ITFG2: variants seen among roughly 807,000 people sequenced by gnomAD.
ITFG2 encodes the protein integrin alpha FG-GAP repeat containing 2, also known as KICSTOR complex protein ITFG2.
In ITFG2, 36 loss-of-function variants were observed where a neutral mutation model predicts 54.4. The ratio of observed to expected loss-of-function variants is 0.66; its 90% CI spans 0.51 to 0.87. The LOEUF is 0.87. Ranked by LOEUF, ITFG2 falls within the 40% of genes least tolerant of loss-of-function variation. The probability of loss-of-function intolerance (pLI) is 0.00; values close to 1 mark genes in which losing one functional copy is unlikely to be tolerated. For missense variants in ITFG2, 524 were observed against 576.7 expected (o/e 0.91, Z 0.94); for synonymous variants, 211 against 225.4 (o/e 0.94, Z 0.57).
chr12:2,824,140 C>G lies in ITFG2; in HGVS notation c.1291C>G (p.His431Asp). 1.2e-6 allele frequency: 2 copies of G among 1,614,184 alleles called. No homozygotes were observed. Among genetic ancestry groups the G allele is most frequent in the East Asian group, 2.2e-5 (1 of 44,884 alleles). The change falls in exon 12 of 12, where the codon CAT (histidine) becomes GAT (aspartate). Residue 431 changes from histidine (H) to aspartate (D), a missense_variant. By Grantham distance (81) the His-to-Asp change is moderately conservative. Transcript: ENST00000228799. ...TGCCCTGCTTCACCAAACGCTCTACCATCCAGACCAGCCACCACAGTGTGC... is the reference window on the plus strand; with the variant it reads ...TGCCCTGCTTCACCAAACGCTCTACGATCCAGACCAGCCACCACAGTGTGC... ...TRALLHQTLY[H>D]PDQPPQCAPS...
exon 3 of ITFG2, chr12:2,830,855 C>G: frequency 6.2e-7 from 1 of 1,612,224 alleles, no homozygotes; most frequent in Non-Finnish European, 8.5e-7. Context: ...TCACACTGCG[C>G]GGCTGCTGGC....
At chr12:2,820,035 C>T (rs370019130) in intron 4 of ITFG2, 51 bp from the exon 5 acceptor site, 9 of 1,561,416 alleles carry the variant, frequency 5.8e-6, no homozygotes, top group East Asian at 4.5e-5. Flanking sequence ...AGCAGAGGAG[C>T]GGGGGCTGCT....
rs776271123 is a variant in ITFG2 at position 2,812,705 on chromosome 12, G to T, written c.-56G>T. 54 of 1,495,140 alleles carry T rather than the reference G, an allele frequency of 3.6e-5. No homozygotes were observed. The highest frequency in any genetic ancestry group is 3.5e-4 in the Middle Eastern group (2 of 5,754). The allele number at this position is 1,495,140 out of a possible 1,614,324, so 92.6% of individuals were successfully genotyped here. A position where few individuals can be genotyped will look rare whatever the true frequency, so the allele number is the denominator to read the frequency against. ...CTTCCGCTCTGGCGGCTGTCGCGAC[G>T]GGGGTTCAGGGAATATTTACTGGGC... On this transcript the variant is annotated 5_prime_UTR_variant, in exon 1 of 12. Coordinates refer to ENST00000228799, the MANE Select transcript of ITFG2 (RefSeq NM_018463.4).
intron 3 of ITFG2, chr12:2,858,793 C>T (rs1332158429): frequency 6.2e-7 from 1 of 1,614,232 alleles, no homozygotes. Flanking sequence ...CGATTGGCTG[C>T]AAGGCCAGAA....
At chr12:2,836,612 C>G (rs545542799), upstream of ITFG2, 55 of 152,324 alleles carry the variant, frequency 3.6e-4, no homozygotes, top group African/African-American at 1.3e-3. Context: ...CCTTCACCCC[C>G]CAAATGTACC....
downstream of ITFG2, chr12:2,828,363 G>A (rs150931045): frequency 1.2e-5 from 19 of 1,614,000 alleles, no homozygotes; most frequent in African/African-American, 1.3e-4. Flanking sequence ...GCAGAGATCC[G>A]ATTGTATTGG....
At chr12:2,816,854 C>G (rs1231307368) in intron 1 of ITFG2, among the ~76,000 whole-genome samples, 1 of 145,524 alleles carries the variant, frequency 6.9e-6, no homozygotes, top group African/African-American at 2.7e-5. Context: ...GTTGGCTAGG[C>G]TGGTCTCGAA....
In ITFG2 at chr12:2,824,343, A is replaced by G. The variant is rs927568586; in HGVS notation, c.*150A>G. On this transcript the variant is annotated 3_prime_UTR_variant, in exon 12 of 12. Transcript: ENST00000228799. ...GAAAGATGGCAGCAGCCCTAGGGTG[A>G]CCGTGAACTATAGACCTCGCAGTCT... The G allele has an allele frequency of 2.7e-5, 22 of 812,642 alleles. No homozygotes were observed. The African/African-American group carries it at 3.0e-4, about 11-fold the overall frequency. 50.3% of individuals were successfully genotyped at this position (812,642 alleles called of 1,614,324 possible). A position where few individuals can be genotyped will look rare whatever the true frequency, so the allele number is the denominator to read the frequency against.
chr12:2,855,161 C>T, intron 2 of ITFG2: 1 of 1,523,776 alleles, frequency 6.6e-7, no homozygotes, highest in Middle Eastern at 1.7e-4. Context: ...CAGCGCCAGA[C>T]ATTGCTATCG....
At chr12:2,820,688 C>G in intron 5 of ITFG2, 36 bp from the exon 6 acceptor site, 8 of 1,356,108 alleles carry the variant, frequency 5.9e-6, no homozygotes, top group Non-Finnish European at 7.9e-6. Context: ...ACTTCCTTCT[C>G]TCTCCGTCTC....
intron 2 of ITFG2, among the ~76,000 whole-genome samples, chr12:2,852,868 G>A (rs751880484): frequency 8.6e-5 from 13 of 152,014 alleles, no homozygotes; most frequent in Non-Finnish European, 4.4e-5. Context: ...GCATGGTGAC[G>A]GGAGCCTGTA....
upstream of ITFG2, among the ~76,000 whole-genome samples, chr12:2,832,533 G>A (rs2098008743): frequency 6.6e-6 from 1 of 151,912 alleles, no homozygotes; most frequent in South Asian, 2.1e-4. Flanking sequence ...GAGATTCTGT[G>A]TACATCCTAT....
intron 2 of ITFG2, chr12:2,855,003 C>T: frequency 6.5e-7 from 1 of 1,536,194 alleles, no homozygotes; most frequent in Non-Finnish European, 8.7e-7. Context: ...CCTTCACTGT[C>T]CTGAAAATCA....
chr12:2,858,899 G>C lies in ITFG2; in HGVS notation n.620+568G>C, dbSNP rs778283602. ...AGATGAGGTCTAAGGGTTCTGAACT[G>C]AGGAGCCTTTGCGGTGATTCAAGGG... On this transcript the variant is annotated intron_variant and non_coding_transcript_variant, in intron 3 of 3. Transcript: ENST00000537710. 8 of 1,614,048 alleles carry C rather than the reference G, an allele frequency of 5.0e-6. No individual in the cohort carries two copies. In the East Asian group the frequency reaches 1.3e-4, roughly 27 times the overall value.
intron 2 of ITFG2, chr12:2,857,308 G>A: frequency 4.1e-6 from 2 of 489,414 alleles, no homozygotes; most frequent in South Asian, 2.3e-5. Context: ...CAGGCCTCAG[G>A]GTGGGGATGG....
chr12:2,820,253 C>A (rs754075878), intron 5 of ITFG2, 28 bp downstream of exon 5: 1 of 1,546,840 alleles, frequency 6.5e-7, no homozygotes, highest in South Asian at 1.2e-5. Flanking sequence ...GGGAACAAGG[C>A]CCCAGGGAGC....
chr12:2,852,733 G>T (rs148416937), intron 2 of ITFG2, among the ~76,000 whole-genome samples: 1 of 152,016 alleles, frequency 6.6e-6, no homozygotes, highest in East Asian at 1.9e-4. Flanking sequence ...GGCCGGGCAC[G>T]GTGGCTCACG....
upstream of ITFG2, chr12:2,834,774 C>T (rs1421523914): frequency 1.2e-6 from 2 of 1,613,878 alleles, no homozygotes; most frequent in Non-Finnish European, 1.7e-6. Flanking sequence ...GAAGCTGTGC[C>T]TCCTGCCCCC....
Position 2,825,013 on chromosome 12 carries a change from G to T in ITFG2, c.*820G>T, listed in dbSNP as rs967642095. 1 of 152,268 alleles carries T rather than the reference G, an allele frequency of 6.6e-6. No individual in the cohort carries two copies. Among genetic ancestry groups the T allele is most frequent in the African/African-American group, 2.4e-5 (1 of 41,446 alleles). 9.4% of individuals were successfully genotyped at this position (152,268 alleles called of 1,614,324 possible). ...AAACTGTGGTTGCAGTCCTTTGGTG[G>T]ATTATGGCCAGCATTTTTTAAATAG... On this transcript the variant is annotated 3_prime_UTR_variant, in exon 12 of 12. Transcript: ENST00000228799.
Sources: allele counts gnomAD v4.1 joint callset (sites outside exome capture counted in the v4.1 genomes callset), GRCh38; gene constraint gnomAD v4.1.1; transcripts MANE v1.5; gene names NCBI Gene and HGNC (gene_info 2026-07-23, HGNC 2026-07-21).